RAB7A: variants seen among roughly 807,000 people sequenced by gnomAD.
RAB7A encodes ras-related protein Rab-7a.
RAB7A carries 2 observed loss-of-function variants against 24.5 expected under a neutral mutation model. The ratio of observed to expected loss-of-function variants is 0.08; its 90% CI spans 0.03 to 0.26. RAB7A has a LOEUF of 0.26. Ranked by LOEUF, RAB7A falls within the 10% of genes least tolerant of loss-of-function variation. The probability of loss-of-function intolerance (pLI) is 1.00; values close to 1 mark genes in which losing one functional copy is unlikely to be tolerated. For missense variants in RAB7A, 118 were observed against 255.7 expected (o/e 0.46, Z 3.67); for synonymous variants, 100 against 95.9 (o/e 1.04, Z -0.25).
intron 4 of RAB7A, 100 bp from the exon 5 acceptor site, chr3:128,807,443 A>C: frequency 1.3e-6 from 2 of 1,556,082 alleles, no homozygotes; most frequent in Non-Finnish European, 1.8e-6. Flanking sequence ...CCTCACCTGT[A>C]CTACCTGTAG....
rs879831840 is a variant in RAB7A, at chr3:128,761,433, T to C, written c.-8-33927T>C. Among the ~76,000 whole-genome samples, 19 of 152,330 alleles carry C rather than the reference T, an allele frequency of 1.2e-4. No homozygotes were observed. The East Asian group carries it at 3.7e-3, about 29-fold the overall frequency. On this transcript the variant is annotated intron_variant, in intron 1 of 5. Transcript: ENST00000265062. ...TTATGACATCATACATTTATTGCCATTTTCCTGTCTGCTTATCCAGGGTCT... is the reference window on the plus strand; with the variant it reads ...TTATGACATCATACATTTATTGCCACTTTCCTGTCTGCTTATCCAGGGTCT...
chr3:128,736,646 T>A (rs966950022), intron 1 of RAB7A, among the ~76,000 whole-genome samples: 1 of 152,040 alleles, frequency 6.6e-6, no homozygotes, highest in African/African-American at 2.4e-5. Flanking sequence ...ACAGATAAAT[T>A]TAAATACTGT....
chr3:128,766,702 G>GT (rs1400860975), intron 1 of RAB7A, among the ~76,000 whole-genome samples: 1 of 151,884 alleles, frequency 6.6e-6, no homozygotes, highest in Non-Finnish European at 1.5e-5. Context: ...TGTGTGTTTG[G>GT]TTTTTTTCTT....
chr3:128,765,107 G>C, intron 1 of RAB7A: 1 of 755,774 alleles, frequency 1.3e-6, no homozygotes, highest in Non-Finnish European at 2.3e-6. Context: ...GCAGTGAAGA[G>C]GGGACAGAGG....
At chr3:128,772,048 G>T (rs1264875726) in intron 1 of RAB7A, among the ~76,000 whole-genome samples, 1 of 152,202 alleles carries the variant, frequency 6.6e-6, no homozygotes, top group Non-Finnish European at 1.5e-5. Flanking sequence ...ATGAACACAT[G>T]TTAAAAATTT....
intron 1 of RAB7A, among the ~76,000 whole-genome samples, chr3:128,771,956 A>T (rs1053303668): frequency 6.6e-6 from 1 of 152,216 alleles, no homozygotes; most frequent in Non-Finnish European, 1.5e-5. Flanking sequence ...AGATGATCCA[A>T]ATACCCTCAA....
intron 5 of RAB7A, among the ~76,000 whole-genome samples, chr3:128,809,692 A>G (rs1933877910): frequency 6.6e-6 from 1 of 152,106 alleles, no homozygotes; most frequent in African/African-American, 2.4e-5. Context: ...GTTTTGGCTT[A>G]TGGCAGAAAA....
chr3:128,812,584 C>G (rs1933950388), intron 5 of RAB7A, among the ~76,000 whole-genome samples: 1 of 152,210 alleles, frequency 6.6e-6, no homozygotes, highest in South Asian at 2.1e-4. Context: ...GTTTAAGTGA[C>G]ATTGTTTTCC....
At chr3:128,756,905 A>G (rs1249742417) in intron 1 of RAB7A, among the ~76,000 whole-genome samples, 2 of 149,078 alleles carry the variant, frequency 1.3e-5, no homozygotes, top group East Asian at 2.0e-4. Context: ...GTGCAGTGGC[A>G]TGATCTCAGC....
At chr3:128,777,545 C>G (rs1205427828) in intron 1 of RAB7A, among the ~76,000 whole-genome samples, 1 of 152,146 alleles carries the variant, frequency 6.6e-6, no homozygotes, top group Non-Finnish European at 1.5e-5. Context: ...TGCAAAACTC[C>G]TTAGAACTCC....
intron 3 of RAB7A, among the ~76,000 whole-genome samples, chr3:128,800,124 AT>A (rs2107613096): frequency 6.6e-6 from 1 of 152,364 alleles, no homozygotes; most frequent in South Asian, 2.1e-4. Flanking sequence ...AGCTGAGCAA[AT>A]TTTCTAAAAG....
intron 1 of RAB7A, among the ~76,000 whole-genome samples, chr3:128,760,449 C>T (rs1423775356): frequency 1.3e-5 from 2 of 152,174 alleles, no homozygotes; most frequent in Non-Finnish European, 2.9e-5. Context: ...AATGGAGTCA[C>T]TTTTTCCCAG....
chr3:128,755,001 A>G (rs889349333), intron 1 of RAB7A, among the ~76,000 whole-genome samples: 3 of 152,204 alleles, frequency 2.0e-5, no homozygotes, highest in Non-Finnish European at 4.4e-5. Context: ...TGAACAATAT[A>G]AGAAACCAAG....
At chr3:128,811,622 G>A (rs747384438) in intron 5 of RAB7A, among the ~76,000 whole-genome samples, 4 of 152,166 alleles carry the variant, frequency 2.6e-5, no homozygotes, top group African/African-American at 9.7e-5. Context: ...GGCTGAGGCC[G>A]GAGGATCACT....
intron 1 of RAB7A, among the ~76,000 whole-genome samples, chr3:128,779,432 T>C (rs1002116251): frequency 1.3e-5 from 2 of 151,816 alleles, no homozygotes; most frequent in East Asian, 3.9e-4. Flanking sequence ...GAGAGATTCA[T>C]TGTGGCTGAG....
intron 4 of RAB7A, 36 bp downstream of exon 4, chr3:128,806,626 C>T (rs368240852): frequency 9.5e-6 from 15 of 1,580,654 alleles, no homozygotes; most frequent in African/African-American, 5.4e-5. Flanking sequence ...GTCACAGACA[C>T]CTGCTCCCCA....
intron 1 of RAB7A, among the ~76,000 whole-genome samples, chr3:128,752,511 C>A (rs1478486630): frequency 1.3e-5 from 2 of 151,906 alleles, no homozygotes. Flanking sequence ...GAAAAAAACA[C>A]TACACATGAG....
intron 2 of RAB7A, among the ~76,000 whole-genome samples, chr3:128,795,751 C>CTGTTTTTTTTTTTTTTTTTT (rs1933554904): frequency 1.2e-4 from 5 of 43,032 alleles, no homozygotes; most frequent in Non-Finnish European, 1.4e-4. Context: ...AGCAGATGTG[C>CTGTTTTTTTTTTTTTTTTTT]TTTTTTTTTT....
intron 1 of RAB7A, among the ~76,000 whole-genome samples, chr3:128,741,217 C>T (rs894651554): frequency 4.6e-5 from 7 of 152,126 alleles, no homozygotes; most frequent in East Asian, 1.9e-4. Flanking sequence ...TGATCCTTTT[C>T]GTGTTGCAAA....
Sources: gnomAD v4.1 joint callset for allele counts (sites outside exome capture counted in the v4.1 genomes callset) on GRCh38, gnomAD v4.1.1 for gene constraint, MANE v1.5 for transcripts, NCBI Gene and HGNC (gene_info 2026-07-23, HGNC 2026-07-21) for gene names.